The following AGK variants were observed in gnomAD, a reference collection of about 807,000 sequenced individuals.
The protein encoded by AGK is acylglycerol kinase, also known as acylglycerol kinase, mitochondrial.
In AGK, 52 loss-of-function variants were observed where a neutral mutation model predicts 66.4. That is an observed-to-expected ratio of 0.78 (90% CI 0.63 to 0.99). The LOEUF (loss-of-function observed/expected upper bound fraction) is 0.99. Among genes scored for constraint, AGK ranks in the 50% least tolerant of loss-of-function variants. The pLI is 0.00. For missense variants in AGK, 451 were observed against 506.6 expected (o/e 0.89, Z 1.05); for synonymous variants, 182 against 181.1 (o/e 1.00, Z -0.04).
At chr7:141,600,872 T>C (rs1796325266) in intron 4 of AGK, among the ~76,000 whole-genome samples, 1 of 152,168 alleles carries the variant, frequency 6.6e-6, no homozygotes, top group Non-Finnish European at 1.5e-5. Context: ...AATGAATACT[T>C]GAGTGAATCA....
intron 9 of AGK, among the ~76,000 whole-genome samples, chr7:141,630,944 T>C (rs546960604): frequency 6.6e-6 from 1 of 152,156 alleles, no homozygotes; most frequent in Non-Finnish European, 1.5e-5. Flanking sequence ...GTTAGTGTGT[T>C]CACCATTGTG....
intron 3 of AGK, among the ~76,000 whole-genome samples, chr7:141,595,602 A>T (rs955259327): frequency 1.3e-5 from 2 of 152,100 alleles, no homozygotes; most frequent in African/African-American, 4.8e-5. Flanking sequence ...TCCTCCTCCT[A>T]TCTTTACTTT....
chr7:141,567,507 G>A (rs1416735733), intron 2 of AGK, among the ~76,000 whole-genome samples: 1 of 151,806 alleles, frequency 6.6e-6, no homozygotes, highest in Non-Finnish European at 1.5e-5. Context: ...AAAAAAGTCT[G>A]TGATATTTTT....
In AGK at chr7:141,653,847, T is replaced by C. The variant is rs1233475043; in HGVS notation, c.*923T>C. On this transcript the variant is annotated 3_prime_UTR_variant, in exon 16 of 16. Transcript: ENST00000649286. ...GTTAAATAGTTGACAAAGTATGTAT[T>C]TGCTGGTGTCGTGTAAATATTGGTA... The C allele has an allele frequency of 1.3e-5, 2 of 152,268 alleles. No homozygotes were observed. Among genetic ancestry groups the C allele is most frequent in the Non-Finnish European group, 2.9e-5 (2 of 68,052 alleles). 9.4% of individuals were successfully genotyped at this position (152,268 alleles called of 1,614,324 possible).
At chr7:141,599,226 AC>A (rs1160926759) in intron 4 of AGK, 2 of 152,146 alleles carry the variant, frequency 1.3e-5, no homozygotes, top group Non-Finnish European at 2.9e-5. Flanking sequence ...ATTATGTAGT[AC>A]TGGTTTAAAA....
At chr7:141,639,567 A>G (rs1259514233) in intron 11 of AGK, among the ~76,000 whole-genome samples, 1 of 152,210 alleles carries the variant, frequency 6.6e-6, no homozygotes, top group Non-Finnish European at 1.5e-5. Context: ...GGGTAGGTCC[A>G]GATGAAAATG....
chr7:141,601,952 T>C (rs1796354257), intron 5 of AGK, among the ~76,000 whole-genome samples: 1 of 152,150 alleles, frequency 6.6e-6, no homozygotes, highest in African/African-American at 2.4e-5. Flanking sequence ...CCATGCAATG[T>C]TGAACCCTCT....
At chr7:141,642,314 C>T (rs1797308747) in intron 13 of AGK, among the ~76,000 whole-genome samples, 1 of 152,242 alleles carries the variant, frequency 6.6e-6, no homozygotes, top group African/African-American at 2.4e-5. Flanking sequence ...AATACCCACA[C>T]ACATACATCT....
At chr7:141,614,024 T>C in intron 6 of AGK, 122 bp from the exon 7 acceptor site, 4 of 684,852 alleles carry the variant, frequency 5.8e-6, no homozygotes, top group Non-Finnish European at 9.9e-6. Flanking sequence ...AGTGCATCTT[T>C]TAACAGAGCT....
At chr7:141,629,122 C>T (rs1797003123) in intron 9 of AGK, among the ~76,000 whole-genome samples, 1 of 152,156 alleles carries the variant, frequency 6.6e-6, no homozygotes, top group Admixed American at 6.5e-5. Flanking sequence ...GAAGCTGCTT[C>T]AGAACTCCTT....
intron 1 of AGK, among the ~76,000 whole-genome samples, chr7:141,554,689 C>T (rs965622878): frequency 2.0e-5 from 3 of 152,152 alleles, no homozygotes; most frequent in Non-Finnish European, 4.4e-5. Context: ...TGAATATAAG[C>T]ATCACCAAAT....
chr7:141,589,386 A>T (rs1796059645), intron 2 of AGK, among the ~76,000 whole-genome samples: 1 of 152,152 alleles, frequency 6.6e-6, no homozygotes, highest in Admixed American at 6.5e-5. Flanking sequence ...TTACTGAAAT[A>T]TTTTTGGAAT....
rs1796269451 is a variant in AGK, at chr7:141,598,201, C to T, written c.221+1560C>T. 6.6e-6 allele frequency among the ~76,000 whole-genome samples: 1 copy of T among 152,156 alleles called. No homozygotes were observed. The highest frequency in any genetic ancestry group is 1.5e-5 in the Non-Finnish European group (1 of 68,034). ...ATTCAGATTGTCTAAACAGACTATT[C>T]TGCCTAACTGAATCATATCTGCTGG... On this transcript the variant is annotated intron_variant, in intron 4 of 15. Coordinates refer to ENST00000649286, the MANE Select transcript of AGK (RefSeq NM_018238.4). The surrounding 1 kb of genome is among the most constrained non-coding windows in gnomAD (Gnocchi z 4.2).
At chr7:141,593,477 G>A (rs1263247329) in intron 3 of AGK, 4 of 674,382 alleles carry the variant, frequency 5.9e-6, no homozygotes, top group South Asian at 1.6e-5. Flanking sequence ...TGTGTCTGCA[G>A]TTGTCTTTGT....
chr7:141,628,051 T>G (rs535327298), intron 9 of AGK, among the ~76,000 whole-genome samples: 47 of 152,268 alleles, frequency 3.1e-4, no homozygotes, highest in African/African-American at 1.1e-3. Context: ...CCAGCTAATT[T>G]TTGTATTTTT....
At chr7:141,632,185 C>T (rs550246191) in intron 9 of AGK, among the ~76,000 whole-genome samples, 4 of 151,106 alleles carry the variant, frequency 2.6e-5, no homozygotes, top group South Asian at 2.1e-4. Context: ...TAGCCGAGAT[C>T]GTGCCACTGC....
At chr7:141,622,172 C>G (rs1587138325) in intron 9 of AGK, among the ~76,000 whole-genome samples, 1 of 151,836 alleles carries the variant, frequency 6.6e-6, no homozygotes, top group East Asian at 1.9e-4. Flanking sequence ...CTCACTGCAG[C>G]CTCTGCCTCC....
Position 141,598,451 on chromosome 7 carries a change from T to A in AGK, c.221+1810T>A, listed in dbSNP as rs1796273652. On this transcript the variant is annotated intron_variant, in intron 4 of 15. Coordinates refer to ENST00000649286, the MANE Select transcript of AGK (RefSeq NM_018238.4). This position sits in a 1 kb window ranked among gnomAD's most constrained non-coding sequence, Gnocchi z 4.2. ...TTTGAGGAATCTGGTCTGTTTACTGTTTTGCCACTTACTAGCTCTATGATA... is the reference window on the plus strand; with the variant it reads ...TTTGAGGAATCTGGTCTGTTTACTGATTTGCCACTTACTAGCTCTATGATA... Among the ~76,000 whole-genome samples the A allele has an allele frequency of 6.6e-6, 1 of 152,174 alleles. No homozygotes were observed. Among genetic ancestry groups the A allele is most frequent in the Non-Finnish European group, 1.5e-5 (1 of 68,020 alleles).
rs546622770 is a variant in AGK at position 141,653,247 on chromosome 7, G to A, written c.*323G>A. 7 of 261,690 alleles carry A rather than the reference G, an allele frequency of 2.7e-5. No individual in the cohort carries two copies. The highest frequency in any genetic ancestry group is 1.3e-4 in the African/African-American group (6 of 46,292). The allele number at this position is 261,690 out of a possible 1,614,324, so 16.2% of individuals were successfully genotyped here. A position where few individuals can be genotyped will look rare whatever the true frequency, so the allele number is the denominator to read the frequency against. On this transcript the variant is annotated 3_prime_UTR_variant, in exon 16 of 16. Coordinates refer to ENST00000649286, the MANE Select transcript of AGK (RefSeq NM_018238.4). ...GCAACCACAGTGGAGAGCCCACGGTGGGCTTAGCCTGCCTAGGCCCTTCCA... is the reference window on the plus strand; with the variant it reads ...GCAACCACAGTGGAGAGCCCACGGTAGGCTTAGCCTGCCTAGGCCCTTCCA...
Sources: gnomAD v4.1 joint callset for allele counts (sites outside exome capture counted in the v4.1 genomes callset) on GRCh38, gnomAD v4.1.1 for gene constraint, Gnocchi (gnomAD v3.1) non-coding constraint, MANE v1.5 for transcripts, NCBI Gene and HGNC (gene_info 2026-07-23, HGNC 2026-07-21) for gene names.